The following CDKAL1 variants were observed in gnomAD, a reference collection of about 807,000 sequenced individuals.
The protein encoded by CDKAL1 is CDKAL1 threonylcarbamoyladenosine tRNA methylthiotransferase.
CDKAL1 carries 32 observed loss-of-function variants against 68.2 expected under a neutral mutation model. That is an observed-to-expected ratio of 0.47 (90% CI 0.35 to 0.63). The LOEUF is 0.63. Ranked by LOEUF, CDKAL1 falls within the 30% of genes least tolerant of loss-of-function variation. The pLI is 0.00. For synonymous variants in CDKAL1, 234 were observed against 244.3 expected, an observed-to-expected ratio of 0.96 and a Z score of 0.39; for missense variants, 606 against 696.7, an observed-to-expected ratio of 0.87 and a Z score of 1.47.
chr6:21,174,729 T>C, intron 13 of CDKAL1, among the ~76,000 whole-genome samples: 1 of 80,524 alleles, frequency 1.2e-5, no homozygotes, highest in East Asian at 7.9e-4. Context: ...TGGAGGGCAA[T>C]TTAACTATAT....
At chr6:21,027,246 G>A (rs1208713096) in intron 11 of CDKAL1, among the ~76,000 whole-genome samples, 1 of 151,978 alleles carries the variant, frequency 6.6e-6, no homozygotes, top group East Asian at 1.9e-4. Flanking sequence ...ATTCATATTA[G>A]CCATATCAAA....
At chr6:20,680,486 G>T (rs907572324) in intron 5 of CDKAL1, among the ~76,000 whole-genome samples, 18 of 152,156 alleles carry the variant, frequency 1.2e-4, no homozygotes, top group African/African-American at 3.4e-4. Context: ...AACTAAAGAA[G>T]AATTTCCTGA....
chr6:21,211,401 C>A (rs759118356), intron 15 of CDKAL1, among the ~76,000 whole-genome samples: 5 of 152,184 alleles, frequency 3.3e-5, no homozygotes, highest in Non-Finnish European at 5.9e-5. Context: ...CAAATTAACC[C>A]TGAAATCTCA....
rs72834357 is a variant in CDKAL1 at position 21,033,696 on chromosome 6, A to G, written c.1056-31352A>G. The stretch of plus-strand genomic sequence containing the variant: ...CCTAGCTGGCTACAATCACTGCTGT[A>G]TCTGTCCCAGTACTCGCTTCACTAT... On this transcript the variant is annotated intron_variant, in intron 11 of 15. Coordinates refer to ENST00000274695, the MANE Select transcript of CDKAL1 (RefSeq NM_017774.3). 5.8e-3 allele frequency among the ~76,000 whole-genome samples: 876 copies of G among 152,326 alleles called. 1 individual carries two copies. Among genetic ancestry groups the G allele is most frequent in the Non-Finnish European group, 9.0e-3 (614 of 68,034 alleles).
intron 7 of CDKAL1, among the ~76,000 whole-genome samples, chr6:20,770,983 GCCAGA>G (rs1774916305): frequency 6.6e-6 from 1 of 152,110 alleles, no homozygotes; most frequent in Non-Finnish European, 1.5e-5. Flanking sequence ...AGAAACATCT[GCCAGA>G]TCATCTCTGA....
chr6:20,579,430 A>C (rs1765051809), intron 4 of CDKAL1, among the ~76,000 whole-genome samples: 1 of 152,204 alleles, frequency 6.6e-6, no homozygotes, highest in Non-Finnish European at 1.5e-5. Flanking sequence ...GTTCAGAATT[A>C]TATCAACCTA....
intron 7 of CDKAL1, among the ~76,000 whole-genome samples, chr6:20,777,366 A>G (rs1361811145): frequency 6.6e-6 from 1 of 152,202 alleles, no homozygotes; most frequent in Non-Finnish European, 1.5e-5. Context: ...TAATTCTAGT[A>G]TTTTGGGAGG....
chr6:21,150,205 T>C (rs536829758), intron 13 of CDKAL1, among the ~76,000 whole-genome samples: 24 of 152,238 alleles, frequency 1.6e-4, no homozygotes, highest in African/African-American at 5.8e-4. Flanking sequence ...GATCTAAAAA[T>C]TTCCCACATA....
intron 6 of CDKAL1, 110 bp from the exon 7 acceptor site, chr6:20,758,485 C>A: frequency 1.3e-6 from 1 of 759,512 alleles, no homozygotes; most frequent in Non-Finnish European, 2.2e-6. Context: ...TAAAGGAAAC[C>A]TGCATTGATG....
rs1779993397 is a variant in CDKAL1, at chr6:21,232,003, G to GTTTTGTTTTTTTTT, written c.*968_*969insGTTTTTTTTTTTTT. 1.3e-4 allele frequency: 10 copies of GTTTTGTTTTTTTTT among 76,102 alleles called. No homozygotes were observed. The highest frequency in any genetic ancestry group is 4.4e-4 in the South Asian group (1 of 2,252). 4.7% of individuals were successfully genotyped at this position (76,102 alleles called of 1,614,324 possible). A position where few individuals can be genotyped will look rare whatever the true frequency, so the allele number is the denominator to read the frequency against. On this transcript the variant is annotated 3_prime_UTR_variant, in exon 16 of 16. Coordinates refer to ENST00000274695, the MANE Select transcript of CDKAL1 (RefSeq NM_017774.3). Reference sequence around the variant, plus strand: ...TTTGATCCATTGGGGTTTTTTTTTTGTTTTTGTTTTTTTTTTTTTTTGAGT... The same window carrying GTTTTGTTTTTTTTT: ...TTTGATCCATTGGGGTTTTTTTTTTGTTTTGTTTTTTTTTTTTTTGTTTTTTTTTTTTTTTGAGT...
intron 8 of CDKAL1, among the ~76,000 whole-genome samples, chr6:20,832,083 C>T (rs1017412305): frequency 1.3e-5 from 2 of 152,124 alleles, no homozygotes; most frequent in African/African-American, 4.8e-5. Context: ...GAGTTGTCTC[C>T]GCTGCTTTAA....
chr6:20,837,670 C>T (rs1778002113), intron 8 of CDKAL1, among the ~76,000 whole-genome samples: 1 of 151,880 alleles, frequency 6.6e-6, no homozygotes, highest in Non-Finnish European at 1.5e-5. Context: ...AGTTTAACAG[C>T]AGACGAGTGT....
intron 10 of CDKAL1, among the ~76,000 whole-genome samples, chr6:20,965,349 G>T (rs991546561): frequency 7.6e-6 from 1 of 131,008 alleles, no homozygotes; most frequent in Admixed American, 8.1e-5. Context: ...GGGGAGGGAA[G>T]AGGGAAGACT....
At chr6:20,972,859 A>G (rs1164400880) in intron 10 of CDKAL1, among the ~76,000 whole-genome samples, 1 of 152,090 alleles carries the variant, frequency 6.6e-6, no homozygotes, top group Non-Finnish European at 1.5e-5. Context: ...TCACATTTCT[A>G]TGGGTTTTGA....
intron 9 of CDKAL1, among the ~76,000 whole-genome samples, chr6:20,905,910 G>A (rs1762212247): frequency 6.6e-6 from 1 of 152,164 alleles, no homozygotes; most frequent in Middle Eastern, 3.2e-3. Context: ...AAAAGCTGAG[G>A]GAGTTTGTTA....
At chr6:21,206,271 AAG>A (rs969998016) in intron 15 of CDKAL1, among the ~76,000 whole-genome samples, 14 of 152,178 alleles carry the variant, frequency 9.2e-5, no homozygotes, top group African/African-American at 2.9e-4. Context: ...AATAATAAGT[AAG>A]AGAGAGAGGG....
chr6:20,601,645 A>G (rs1013387067), intron 4 of CDKAL1, among the ~76,000 whole-genome samples: 4 of 152,176 alleles, frequency 2.6e-5, no homozygotes, highest in South Asian at 2.1e-4. Context: ...AAGCATAGGT[A>G]TACTAATTAC....
chr6:20,678,979 A>G (rs1387322241), intron 5 of CDKAL1, among the ~76,000 whole-genome samples: 1 of 152,124 alleles, frequency 6.6e-6, no homozygotes, highest in African/African-American at 2.4e-5. Context: ...GTTGTAGTTC[A>G]TTGTAACCTG....
At chr6:20,977,672 G>A (rs935502993) in intron 10 of CDKAL1, among the ~76,000 whole-genome samples, 3 of 152,178 alleles carry the variant, frequency 2.0e-5, no homozygotes, top group African/African-American at 7.2e-5. Context: ...GAGCACAGGA[G>A]TTTGAGACCA....
Sources: gnomAD v4.1 joint callset for allele counts (sites outside exome capture counted in the v4.1 genomes callset) on GRCh38, gnomAD v4.1.1 for gene constraint, MANE v1.5 for transcripts, NCBI Gene and HGNC (gene_info 2026-07-23, HGNC 2026-07-21) for gene names.